NOL10: variants seen among roughly 807,000 people sequenced by gnomAD.
NOL10 encodes H_NH0074G24.1.
Under a neutral mutation model 103.5 loss-of-function variants are expected in NOL10, and 58 were observed. That is an observed-to-expected ratio of 0.56 (90% CI 0.45 to 0.70). The LOEUF (loss-of-function observed/expected upper bound fraction) is 0.70, where lower values mean the gene tolerates loss of function less well. Ranked by LOEUF, NOL10 falls within the 30% of genes least tolerant of loss-of-function variation. The pLI is 0.00. For missense variants in NOL10, 763 were observed against 807.3 expected (o/e 0.95, Z 0.67); for synonymous variants, 287 against 282.5 (o/e 1.02, Z -0.16).
At chr2:10,638,791 CCTTTTTT>C (rs1311500492) in intron 13 of NOL10, among the ~76,000 whole-genome samples, 3 of 108,154 alleles carry the variant, frequency 2.8e-5, no homozygotes, top group African/African-American at 1.1e-4. Context: ...CCGTGCCTGG[CCTTTTTT>C]TTTTTTTTTT....
At chr2:10,623,384 A>C (rs1348609327) in intron 13 of NOL10, among the ~76,000 whole-genome samples, 1 of 152,096 alleles carries the variant, frequency 6.6e-6, no homozygotes, top group Non-Finnish European at 1.5e-5. Flanking sequence ...CTCCCTCTGT[A>C]CAGGATGATC....
At chr2:10,619,535 T>C (rs1361227626) in intron 13 of NOL10, among the ~76,000 whole-genome samples, 1 of 152,206 alleles carries the variant, frequency 6.6e-6, no homozygotes, top group Admixed American at 6.5e-5. Context: ...AAGTTCTCTT[T>C]TAAATTCAAA....
chr2:10,657,905 A>G lies in NOL10; in HGVS notation c.757-14T>C. On this transcript the variant is annotated splice_polypyrimidine_tract_variant and intron_variant, in intron 10 of 20. Coordinates refer to ENST00000381685, the MANE Select transcript of NOL10 (RefSeq NM_024894.4). ...ATATAATAAAACCTGAAAAAAAATT[A>G]TTTCTGTTTAAACAAACTAGACATT... 1 of 1,500,754 alleles carries G rather than the reference A, an allele frequency of 6.7e-7. No individual in the cohort carries two copies. The highest frequency in any genetic ancestry group is 8.9e-7 in the Non-Finnish European group (1 of 1,121,078). 93.0% of individuals were successfully genotyped at this position (1,500,754 alleles called of 1,614,324 possible). A position where few individuals can be genotyped will look rare whatever the true frequency, so the allele number is the denominator to read the frequency against.
intron 13 of NOL10, among the ~76,000 whole-genome samples, chr2:10,612,651 C>T (rs73167824): frequency 0.014 from 2,194 of 152,134 alleles, 67 homozygotes; most frequent in African/African-American, 0.05. Flanking sequence ...TACAGGCACT[C>T]ACCACCACAA....
chr2:10,615,454 T>C (rs1676782360), intron 13 of NOL10, among the ~76,000 whole-genome samples: 1 of 152,162 alleles, frequency 6.6e-6, no homozygotes, highest in Non-Finnish European at 1.5e-5. Context: ...CAGAGTGCCT[T>C]CAGTCAAGGG....
intron 6 of NOL10, among the ~76,000 whole-genome samples, chr2:10,669,507 CAT>C (rs199871666): frequency 0.32 from 29,689 of 92,700 alleles, 3,180 homozygotes; most frequent in South Asian, 0.55. Context: ...TACACACACA[CAT>C]ATATACACAC....
chr2:10,644,435 G>T, intron 12 of NOL10, 63 bp from the exon 13 acceptor site: 1 of 1,229,874 alleles, frequency 8.1e-7, no homozygotes, highest in Admixed American at 2.9e-5. Context: ...TTTTCTATTT[G>T]CTTTCCATTC....
intron 19 of NOL10, among the ~76,000 whole-genome samples, chr2:10,578,895 T>C (rs1175372319): frequency 6.6e-6 from 1 of 152,218 alleles, no homozygotes; most frequent in African/African-American, 2.4e-5. Flanking sequence ...TCAAAAATAG[T>C]ATACTGTCTC....
intron 3 of NOL10, among the ~76,000 whole-genome samples, chr2:10,676,660 CAG>C (rs895881094): frequency 5.0e-5 from 7 of 139,996 alleles, no homozygotes; most frequent in Non-Finnish European, 7.6e-5. Flanking sequence ...TTTTTTGAGA[CAG>C]AGTCTCATTC....
chr2:10,596,996 G>A (rs1675727017), intron 17 of NOL10, among the ~76,000 whole-genome samples: 1 of 151,880 alleles, frequency 6.6e-6, no homozygotes, highest in Non-Finnish European at 1.5e-5. Context: ...AAGAGATGCT[G>A]TCTTGCCCTG....
chr2:10,573,124 C>T (rs1203914508), intron 20 of NOL10, among the ~76,000 whole-genome samples: 1 of 151,696 alleles, frequency 6.6e-6, no homozygotes, highest in Non-Finnish European at 1.5e-5. Flanking sequence ...AAAGCACTGT[C>T]AGGGGCCTCA....
intron 13 of NOL10, among the ~76,000 whole-genome samples, chr2:10,635,269 A>C (rs1005022046): frequency 2.6e-5 from 4 of 152,260 alleles, no homozygotes; most frequent in Middle Eastern, 3.4e-3. Flanking sequence ...AAGAGTTTTA[A>C]ATTTTGGAGC....
chr2:10,684,551 A>T lies in NOL10; in HGVS notation c.112+16T>A. On this transcript the variant is annotated intron_variant, in intron 2 of 20. Transcript: ENST00000381685. The stretch of plus-strand genomic sequence containing the variant: ...GGATCACTAACGCAGCTGAAGTGGG[A>T]AAAAACAATACTCACCTACATCTTT... 3 of 1,565,092 alleles carry T rather than the reference A, an allele frequency of 1.9e-6. No homozygotes were observed. The highest frequency in any genetic ancestry group is 2.6e-6 in the Non-Finnish European group (3 of 1,152,560).
At chr2:10,617,283 T>C (rs1676885188) in intron 13 of NOL10, among the ~76,000 whole-genome samples, 2 of 152,168 alleles carry the variant, frequency 1.3e-5, no homozygotes, top group Admixed American at 6.5e-5. Flanking sequence ...CAGCCCAGTG[T>C]GGCTTGAATA....
intron 12 of NOL10, among the ~76,000 whole-genome samples, chr2:10,649,452 C>G (rs1459430849): frequency 6.6e-6 from 1 of 150,836 alleles, no homozygotes; most frequent in East Asian, 1.9e-4. Context: ...TCCTGAGTAG[C>G]TGGGATTACA....
intron 13 of NOL10, among the ~76,000 whole-genome samples, chr2:10,617,933 G>A (rs769652707): frequency 1.3e-4 from 20 of 151,302 alleles, no homozygotes; most frequent in Admixed American, 6.6e-5. Context: ...CTGGGAGAGG[G>A]AGGAGAAGGA....
At chr2:10,650,045 G>A (rs1292242645) in intron 12 of NOL10, among the ~76,000 whole-genome samples, 1 of 152,082 alleles carries the variant, frequency 6.6e-6, no homozygotes, top group East Asian at 1.9e-4. Context: ...TTTTTAAAAT[G>A]CTACTCATTA....
intron 13 of NOL10, among the ~76,000 whole-genome samples, chr2:10,617,753 T>C (rs1172967877): frequency 6.6e-6 from 1 of 152,128 alleles, no homozygotes; most frequent in East Asian, 1.9e-4. Context: ...AATGTGATAA[T>C]ATCCACACAA....
chr2:10,672,964 G>A (rs866799356), intron 5 of NOL10, among the ~76,000 whole-genome samples: 6 of 152,118 alleles, frequency 3.9e-5, no homozygotes, highest in Middle Eastern at 6.8e-3. Flanking sequence ...CTGCCCCTCC[G>A]GCCTGGGTGA....
Sources: gnomAD v4.1 joint callset for allele counts (sites outside exome capture counted in the v4.1 genomes callset) on GRCh38, gnomAD v4.1.1 for gene constraint, MANE v1.5 for transcripts, NCBI Gene and HGNC (gene_info 2026-07-23, HGNC 2026-07-21) for gene names.